The following CDH23 variants were observed in gnomAD, a reference collection of about 807,000 sequenced individuals.
CDH23 encodes the protein cadherin related 23.
In CDH23, 189 loss-of-function variants were observed where a neutral mutation model predicts 317.1. That is an observed-to-expected ratio of 0.60 (90% CI 0.53 to 0.67). The LOEUF (loss-of-function observed/expected upper bound fraction) is 0.67. Ranked by LOEUF, CDH23 falls within the 30% of genes least tolerant of loss-of-function variation. CDH23 has a pLI of 0.00. For missense variants in CDH23, 4,401 were observed against 4,592.4 expected, an observed-to-expected ratio of 0.96 and a Z score of 1.20; for synonymous variants, 1,839 against 1,876.8, an observed-to-expected ratio of 0.98 and a Z score of 0.52.
In CDH23 at chr10:71,588,788, G is replaced by C. The variant is rs148903468; in HGVS notation, c.832+10796G>C. Among the ~76,000 whole-genome samples, 28 of 152,306 alleles carry C rather than the reference G, an allele frequency of 1.8e-4. No homozygotes were observed. The East Asian group carries it at 5.2e-3, about 28-fold the overall frequency. ...AGCTCTCCTGCCCTCATCCCTCTGG[G>C]TGTTCCCTGCACAAAGCCGCTGCAG... On this transcript the variant is annotated intron_variant, in intron 9 of 69. Transcript: ENST00000224721.
chr10:71,592,213 G>A (rs148138383), intron 9 of CDH23, among the ~76,000 whole-genome samples: 2 of 152,228 alleles, frequency 1.3e-5, no homozygotes, highest in African/African-American at 2.4e-5. Flanking sequence ...TGAGGCTCAG[G>A]GTTCCCATGG....
rs757298470 is a variant in CDH23 at position 71,797,222 on chromosome 10, T to A, written c.6829+2T>A. On this transcript the variant is annotated splice_donor_variant, in intron 49 of 69. Transcript: ENST00000224721. LOFTEE classifies it high-confidence loss of function. ...AGCGCTCTGTCAGTGTGCCAAATGG[T>A]AAGGTTCCCTGCAGACATCTCTCAT... 1 of 1,599,966 alleles carries A rather than the reference T, an allele frequency of 6.3e-7. No individual in the cohort carries two copies.
intron 13 of CDH23, 59 bp downstream of exon 13, chr10:71,646,039 G>A (rs111825773): frequency 3.1e-5 from 49 of 1,580,054 alleles, no homozygotes; most frequent in African/African-American, 1.2e-4. Context: ...CAGGGGAGGC[G>A]AGGGTAGGGT....
chr10:71,612,227 A>AGTGTGTGTGTGT (rs112383786), intron 9 of CDH23, among the ~76,000 whole-genome samples: 45 of 149,304 alleles, frequency 3.0e-4, no homozygotes, highest in African/African-American at 9.9e-4. Context: ...GTGAAAAAGA[A>AGTGTGTGTGTGT]GTGTGTGTGT....
In CDH23 at chr10:71,704,780, G is replaced by T. The variant is rs549533364; in HGVS notation, c.2734-131G>T. The T allele has an allele frequency of 8.1e-6, 6 of 741,634 alleles. No individual in the cohort carries two copies. In the South Asian group the frequency reaches 1.0e-4, roughly 12 times the overall value. 45.9% of individuals were successfully genotyped at this position (741,634 alleles called of 1,614,324 possible). A position where few individuals can be genotyped will look rare whatever the true frequency, so the allele number is the denominator to read the frequency against. ...CCTGGGGACAGTGGCCTGGCCTAAG[G>T]CTTGGAGGGGAGCAGATGTGTCTAG... On this transcript the variant is annotated intron_variant, in intron 24 of 69. Coordinates refer to ENST00000224721, the MANE Select transcript of CDH23 (RefSeq NM_022124.6).
At chr10:71,656,986 A>G (rs1481077481) in intron 14 of CDH23, among the ~76,000 whole-genome samples, 1 of 152,174 alleles carries the variant, frequency 6.6e-6, no homozygotes, top group Non-Finnish European at 1.5e-5. Context: ...AGAAGCAGGG[A>G]AGGATGAGTA....
chr10:71,696,914 A>G (rs528346889), intron 22 of CDH23, among the ~76,000 whole-genome samples: 2 of 152,238 alleles, frequency 1.3e-5, no homozygotes, highest in South Asian at 2.1e-4. Flanking sequence ...TGGGCACTGC[A>G]CTGGCCCAGG....
rs1564734280 is a variant in CDH23, at chr10:71,689,203, T to TGGAGCCAGGGGTGGTGGAGTCAGGGG, written c.2060-1265_2060-1264insGGAGCCAGGGGTGGTGGAGTCAGGGG. On this transcript the variant is annotated intron_variant, in intron 19 of 69. Transcript: ENST00000224721. ...AGAGTCAGGGGTGGTGGAGCCAGGG[T>TGGAGCCAGGGGTGGTGGAGTCAGGGG]TGGTGGAGTCAGGGATGGTGGAGTC... 7.3e-4 allele frequency among the ~76,000 whole-genome samples: 32 copies of TGGAGCCAGGGGTGGTGGAGTCAGGGG among 43,746 alleles called. 11 individuals carry two copies. Among genetic ancestry groups the TGGAGCCAGGGGTGGTGGAGTCAGGGG allele is most frequent in the South Asian group, 2.0e-3 (2 of 986 alleles). 28.7% of individuals were successfully genotyped at this position (43,746 alleles called of 152,430 possible).
chr10:71,397,673 G>T lies in CDH23; in HGVS notation c.-6+355G>T, dbSNP rs559400621. Among the ~76,000 whole-genome samples the T allele has an allele frequency of 6.6e-6, 1 of 152,250 alleles. No individual in the cohort carries two copies. On this transcript the variant is annotated intron_variant, in intron 1 of 69. Coordinates refer to ENST00000224721, the MANE Select transcript of CDH23 (RefSeq NM_022124.6). The surrounding 1 kb of genome is among the most constrained non-coding windows in gnomAD (Gnocchi z 4.8). The stretch of plus-strand genomic sequence containing the variant: ...GCTACGGAGAGGGTCCAGGTCTGGG[G>T]TGGAGAGATTTTCGAGAGTGGAGCG...
At chr10:71,773,378 A>G (rs761861071) in intron 38 of CDH23, 3 of 1,609,888 alleles carry the variant, frequency 1.9e-6, no homozygotes, top group Admixed American at 1.7e-5. Context: ...AGCCAGGAAG[A>G]GAGCGAAGAG....
chr10:71,505,890 C>T (rs139443921), intron 3 of CDH23, among the ~76,000 whole-genome samples: 112 of 152,216 alleles, frequency 7.4e-4, no homozygotes, highest in African/African-American at 2.6e-3. Flanking sequence ...AGTATACATC[C>T]AAAATAATTA....
chr10:71,736,180 T>C (rs1020098688), intron 34 of CDH23, among the ~76,000 whole-genome samples: 1 of 152,212 alleles, frequency 6.6e-6, no homozygotes, highest in Non-Finnish European at 1.5e-5. Flanking sequence ...ATTTCCACAG[T>C]GCTTTGCCCT....
chr10:71,515,543 A>T (rs1366680351), intron 6 of CDH23, among the ~76,000 whole-genome samples: 3 of 151,706 alleles, frequency 2.0e-5, no homozygotes, highest in Non-Finnish European at 2.9e-5. Context: ...TTTTTTAATG[A>T]ACACAGCAAA....
chr10:71,436,422 T>G (rs1334690150), intron 1 of CDH23, among the ~76,000 whole-genome samples: 1 of 152,190 alleles, frequency 6.6e-6, no homozygotes, highest in Non-Finnish European at 1.5e-5. Flanking sequence ...GTGTTTTTTG[T>G]GTGATGCATA....
intron 6 of CDH23, among the ~76,000 whole-genome samples, chr10:71,556,100 A>G (rs138069339): frequency 6.6e-6 from 1 of 152,376 alleles, no homozygotes; most frequent in East Asian, 1.9e-4. Context: ...GCTGGCACAT[A>G]GAATAGCTGA....
chr10:71,546,730 G>C (rs926690809), intron 6 of CDH23, among the ~76,000 whole-genome samples: 1 of 152,226 alleles, frequency 6.6e-6, no homozygotes, highest in Non-Finnish European at 1.5e-5. Flanking sequence ...CCAGATTCAG[G>C]CAGTGGAGGA....
chr10:71,737,433 T>C (rs1839597125), intron 34 of CDH23, among the ~76,000 whole-genome samples: 1 of 152,352 alleles, frequency 6.6e-6, no homozygotes, highest in African/African-American at 2.4e-5. Flanking sequence ...CTCACTCTCC[T>C]ATACTTCTGA....
At chr10:71,483,998 C>T (rs967964725) in intron 3 of CDH23, among the ~76,000 whole-genome samples, 8 of 152,148 alleles carry the variant, frequency 5.3e-5, no homozygotes, top group South Asian at 2.1e-4. Context: ...CCAGCCCGAG[C>T]GCACCTGTGG....
intron 28 of CDH23, among the ~76,000 whole-genome samples, chr10:71,720,420 A>AACACACAC (rs57346519): frequency 0.022 from 3,202 of 145,806 alleles, 182 homozygotes; most frequent in East Asian, 0.16. Flanking sequence ...CTCTTTCCAA[A>AACACACAC]ACACACACAC....
Sources: allele counts gnomAD v4.1 joint callset (sites outside exome capture counted in the v4.1 genomes callset), GRCh38; gene constraint gnomAD v4.1.1; non-coding constraint Gnocchi (gnomAD v3.1); transcripts MANE v1.5; gene names NCBI Gene and HGNC (gene_info 2026-07-23, HGNC 2026-07-21).